The following RPSA2 variants were observed in gnomAD, a reference collection of about 807,000 sequenced individuals.
RPSA2 encodes small ribosomal subunit protein uS2B.
the RPSA2 span, among the ~76,000 whole-genome samples, chr19:23,857,827 AT>A: frequency 9.8e-4 from 148 of 151,560 alleles, no homozygotes; most frequent in African/African-American, 3.1e-3. Flanking sequence ...CATTTCAATA[AT>A]TTTTTTTTCT....
chr19:23,819,675 G>T, the RPSA2 span, among the ~76,000 whole-genome samples: 1 of 152,164 alleles, frequency 6.6e-6, no homozygotes, highest in Non-Finnish European at 1.5e-5. Flanking sequence ...AGTTCACAGA[G>T]ATCACCTTTA....
At chr19:23,819,950 C>T in the RPSA2 span, among the ~76,000 whole-genome samples, 1 of 152,220 alleles carries the variant, frequency 6.6e-6, no homozygotes, top group Admixed American at 6.5e-5. Context: ...GGTCCATTGT[C>T]TGACGCTAGA....
At chr19:23,869,819 G>A in the RPSA2 span, among the ~76,000 whole-genome samples, 2 of 152,168 alleles carry the variant, frequency 1.3e-5, no homozygotes, top group African/African-American at 2.4e-5. Context: ...TCTAATACCA[G>A]TACTGCTACT....
At chr19:23,828,435 T>C in the RPSA2 span, among the ~76,000 whole-genome samples, 1 of 66,722 alleles carries the variant, frequency 1.5e-5, no homozygotes, top group Non-Finnish European at 3.3e-5. Context: ...TTGAAAAATA[T>C]TGCATTAAAT....
At chr19:23,764,867 C>T in the RPSA2 span, among the ~76,000 whole-genome samples, 56 of 151,830 alleles carry the variant, frequency 3.7e-4, no homozygotes, top group Admixed American at 1.3e-4. Flanking sequence ...CCTACTAGTA[C>T]GTCTTTGGGT....
the RPSA2 span, among the ~76,000 whole-genome samples, chr19:23,768,377 T>C: frequency 0.012 from 1,756 of 148,320 alleles, 37 homozygotes; most frequent in African/African-American, 0.041. Flanking sequence ...TCAGCTCCTC[T>C]TTTTTTCAAA....
At chr19:23,856,195 T>C in the RPSA2 span, among the ~76,000 whole-genome samples, 1 of 152,026 alleles carries the variant, frequency 6.6e-6, no homozygotes, top group African/African-American at 2.4e-5. Context: ...GGTTATGGGA[T>C]TGGTATGTCA....
the RPSA2 span, among the ~76,000 whole-genome samples, chr19:23,766,094 T>C: frequency 6.6e-6 from 1 of 151,826 alleles, no homozygotes; most frequent in Non-Finnish European, 1.5e-5. Flanking sequence ...GGTGTCATTG[T>C]TTAATAGAAC....
the RPSA2 span, among the ~76,000 whole-genome samples, chr19:23,801,381 G>C: frequency 6.6e-6 from 1 of 152,082 alleles, no homozygotes; most frequent in East Asian, 1.9e-4. Flanking sequence ...TTGGATTACA[G>C]GCATGTGCCA....
At chr19:23,762,424 C>A in the RPSA2 span, among the ~76,000 whole-genome samples, 1 of 151,546 alleles carries the variant, frequency 6.6e-6, no homozygotes, top group Non-Finnish European at 1.5e-5. Flanking sequence ...GCCCGTAATC[C>A]CAGCACTTTG....
chr19:23,758,679 T>G, the RPSA2 span: 2 of 1,613,266 alleles, frequency 1.2e-6, no homozygotes, highest in Non-Finnish European at 1.7e-6. Flanking sequence ...TGGAGCTGAC[T>G]GCGGCGAGGT....
the RPSA2 span, among the ~76,000 whole-genome samples, chr19:23,863,164 T>C: frequency 6.6e-6 from 1 of 152,188 alleles, no homozygotes; most frequent in African/African-American, 2.4e-5. Context: ...ACCCCTGGTT[T>C]ATCTGATTTA....
At chr19:23,864,934 G>T in the RPSA2 span, among the ~76,000 whole-genome samples, 1 of 152,122 alleles carries the variant, frequency 6.6e-6, no homozygotes, top group African/African-American at 2.4e-5. Context: ...GGCTCTAGAA[G>T]CTCAGGCCCT....
the RPSA2 span, among the ~76,000 whole-genome samples, chr19:23,861,542 T>G: frequency 6.6e-6 from 1 of 152,154 alleles, no homozygotes; most frequent in African/African-American, 2.4e-5. Flanking sequence ...CTTGGCAGTA[T>G]TTTTTCAGGG....
the RPSA2 span, among the ~76,000 whole-genome samples, chr19:23,789,008 T>TCTTTC: frequency 1.4e-5 from 1 of 73,536 alleles, no homozygotes. Context: ...CATCTTTTCT[T>TCTTTC]TTTTTTCTTT....
chr19:23,833,641 G>T, the RPSA2 span, among the ~76,000 whole-genome samples: 2 of 152,044 alleles, frequency 1.3e-5, no homozygotes, highest in African/African-American at 2.4e-5. Flanking sequence ...GAGAACAAAT[G>T]TGCAAATATA....
At chr19:23,862,401 C>A in the RPSA2 span, among the ~76,000 whole-genome samples, 1 of 151,538 alleles carries the variant, frequency 6.6e-6, no homozygotes, top group Non-Finnish European at 1.5e-5. Flanking sequence ...CTGGCCAGAA[C>A]TTCCAACACT....
At chr19:23,859,145 CTAAT>C in the RPSA2 span, among the ~76,000 whole-genome samples, 3 of 152,098 alleles carry the variant, frequency 2.0e-5, no homozygotes, top group South Asian at 2.1e-4. Context: ...TATGTTAAAA[CTAAT>C]TAATTTATTA....
chr19:23,852,995 G>C, the RPSA2 span, among the ~76,000 whole-genome samples: 1 of 152,138 alleles, frequency 6.6e-6, no homozygotes, highest in Non-Finnish European at 1.5e-5. Flanking sequence ...TTGTCAGTGG[G>C]GTCAGCAATT....
Sources: gnomAD v4.1 joint callset for allele counts (sites outside exome capture counted in the v4.1 genomes callset) on GRCh38, gnomAD v4.1.1 for gene constraint, MANE v1.5 for transcripts, NCBI Gene and HGNC (gene_info 2026-07-23, HGNC 2026-07-21) for gene names.